MITF: variants seen among roughly 807,000 people sequenced by gnomAD.
MITF encodes microphthalmia-associated transcription factor.
Under a neutral mutation model 60.5 loss-of-function variants are expected in MITF, and 17 were observed. The observed-to-expected ratio is 0.28, with a 90% CI of 0.19 to 0.42. The LOEUF (loss-of-function observed/expected upper bound fraction) is 0.42. Ranked by LOEUF, MITF falls within the 10% of genes least tolerant of loss-of-function variation. The pLI, the probability that MITF is intolerant of heterozygous loss-of-function variation, is 1.00. For synonymous variants in MITF, 260 were observed against 248.5 expected (o/e 1.05, Z -0.43); for missense variants, 622 against 683.5 (o/e 0.91, Z 1.00).
At chr3:69,767,766 G>T (rs2062323337) in intron 1 of MITF, among the ~76,000 whole-genome samples, 1 of 152,164 alleles carries the variant, frequency 6.6e-6, no homozygotes. Flanking sequence ...CAGAGGAATA[G>T]TGCTCTGGCT....
chr3:69,788,537 A>AC (rs1248492973), intron 1 of MITF, among the ~76,000 whole-genome samples: 1 of 152,112 alleles, frequency 6.6e-6, no homozygotes, highest in African/African-American at 2.4e-5. Context: ...TCTGTATACT[A>AC]CTAGTGGTAG....
At chr3:69,921,216 A>G (rs2065460530) in intron 2 of MITF, among the ~76,000 whole-genome samples, 1 of 152,186 alleles carries the variant, frequency 6.6e-6, no homozygotes, top group Admixed American at 6.5e-5. Context: ...TAAGGAGGCT[A>G]TATGTGAAAC....
At chr3:69,912,693 G>C (rs913664535) in intron 2 of MITF, among the ~76,000 whole-genome samples, 1 of 152,204 alleles carries the variant, frequency 6.6e-6, no homozygotes, top group African/African-American at 2.4e-5. Context: ...GCTAGAGTCA[G>C]TGTTGGGGAA....
intron 1 of MITF, among the ~76,000 whole-genome samples, chr3:69,822,847 C>A (rs549014597): frequency 1.3e-5 from 2 of 151,782 alleles, no homozygotes; most frequent in African/African-American, 4.8e-5. Flanking sequence ...ATTACTCAAC[C>A]CCGTCTTATT....
At chr3:69,824,810 C>T (rs2063329717) in intron 1 of MITF, among the ~76,000 whole-genome samples, 1 of 152,188 alleles carries the variant, frequency 6.6e-6, no homozygotes. Flanking sequence ...AGCAGGGTGC[C>T]TCTGGTGGGA....
At chr3:69,822,256 A>G (rs952045344) in intron 1 of MITF, among the ~76,000 whole-genome samples, 3 of 152,202 alleles carry the variant, frequency 2.0e-5, no homozygotes, top group African/African-American at 7.2e-5. Context: ...ACAGAGAAAG[A>G]ACATGTGGTA....
At chr3:69,945,657 G>A (rs981596375) in intron 5 of MITF, among the ~76,000 whole-genome samples, 7 of 152,106 alleles carry the variant, frequency 4.6e-5, no homozygotes. Flanking sequence ...CACCATTTAG[G>A]ACACAGTTTC....
chr3:69,846,840 A>T, intron 1 of MITF, among the ~76,000 whole-genome samples: 1 of 150,426 alleles, frequency 6.6e-6, no homozygotes. Context: ...AAAAAAAGGA[A>T]TATAATGCAT....
chr3:69,870,624 G>A (rs1214764870), intron 1 of MITF, among the ~76,000 whole-genome samples: 2 of 151,552 alleles, frequency 1.3e-5, no homozygotes, highest in African/African-American at 2.4e-5. Context: ...TAGTAGAGAC[G>A]GGGTTTCACC....
chr3:69,937,933 C>G lies in MITF; in HGVS notation c.466C>G (p.Leu156Val). Residue 156 changes from leucine (L) to valine (V), a missense_variant, in exon 3 of 10, where the codon CTG becomes GTG. By Grantham distance (32) the Leu-to-Val change is conservative (BLOSUM62 1). This residue lies in a region of MITF where 215 missense variants were observed against 224.8 expected (regional missense o/e 0.96). Coordinates refer to ENST00000352241, the MANE Select transcript of MITF (RefSeq NM_001354604.2). ...TLANKHANQV[L>V]SLPCPNQPGD... ...AGCAAATAAACATGCCAACCAAGTC[C>G]TGAGCTTGCCATGTCCAAACCAGCC... 6.2e-7 allele frequency: 1 copy of G among 1,614,166 alleles called. No individual in the cohort carries two copies. Among genetic ancestry groups the G allele is most frequent in the Non-Finnish European group, 8.5e-7 (1 of 1,180,010 alleles).
intron 1 of MITF, among the ~76,000 whole-genome samples, chr3:69,853,718 G>A (rs1313016189): frequency 6.6e-6 from 1 of 152,006 alleles, no homozygotes; most frequent in Non-Finnish European, 1.5e-5. Flanking sequence ...AATAAATGGG[G>A]TCATAAGGCA....
chr3:69,931,266 C>A (rs1002146217), intron 2 of MITF, among the ~76,000 whole-genome samples: 13 of 152,008 alleles, frequency 8.6e-5, no homozygotes, highest in African/African-American at 3.1e-4. Flanking sequence ...TCTTATAAGA[C>A]CCTCATTTAA....
At chr3:69,814,477 C>T (rs1327001627) in intron 1 of MITF, among the ~76,000 whole-genome samples, 2 of 152,044 alleles carry the variant, frequency 1.3e-5, no homozygotes, top group African/African-American at 4.8e-5. Flanking sequence ...TACAGATGCC[C>T]ACCATTATGC....
intron 1 of MITF, among the ~76,000 whole-genome samples, chr3:69,802,713 G>T: frequency 7.8e-6 from 1 of 128,718 alleles, no homozygotes; most frequent in South Asian, 2.6e-4. Flanking sequence ...TTTTTTTAGA[G>T]GATGTTTGGC....
chr3:69,802,676 C>CCATAT lies in MITF; in HGVS notation c.104+62976_104+62980dup, dbSNP rs1376964015. Reference sequence around the variant, plus strand: ...CACCTACTGTGTGCTAGTCCACAGTCCATATTCTTTTTTTTTTTTTTTTTT... The same window carrying CCATAT: ...CACCTACTGTGTGCTAGTCCACAGTCCATATCATATTCTTTTTTTTTTTTTTTTTT... On this transcript the variant is annotated intron_variant, in intron 1 of 9. Coordinates refer to ENST00000352241, the MANE Select transcript of MITF (RefSeq NM_001354604.2). Among the ~76,000 whole-genome samples the CCATAT allele has an allele frequency of 2.4e-4, 34 of 141,586 alleles. No homozygotes were observed. The East Asian group carries it at 4.9e-3, about 20-fold the overall frequency. 92.9% of individuals were successfully genotyped at this position (141,586 alleles called of 152,430 possible).
At chr3:69,931,028 C>T (rs1027569749) in intron 2 of MITF, among the ~76,000 whole-genome samples, 1 of 152,194 alleles carries the variant, frequency 6.6e-6, no homozygotes, top group Non-Finnish European at 1.5e-5. Context: ...TGTGTCGAGA[C>T]TTTCAAGAAT....
chr3:69,872,178 A>G (rs778134649), intron 1 of MITF, among the ~76,000 whole-genome samples: 12 of 152,306 alleles, frequency 7.9e-5, no homozygotes, highest in Admixed American at 1.3e-4. Flanking sequence ...CCAACCCATA[A>G]TGGCATCTGT....
intron 1 of MITF, among the ~76,000 whole-genome samples, chr3:69,807,803 AG>A (rs2063033805): frequency 1.3e-5 from 2 of 152,184 alleles, no homozygotes; most frequent in Admixed American, 1.3e-4. Flanking sequence ...CAGCTTCTCT[AG>A]ACTTGATCTA....
At chr3:69,951,400 G>A (rs2066250681) in intron 6 of MITF, among the ~76,000 whole-genome samples, 1 of 151,902 alleles carries the variant, frequency 6.6e-6, no homozygotes, top group African/African-American at 2.4e-5. Context: ...TTTTATATCA[G>A]CACGTTACAC....
Sources: allele counts gnomAD v4.1 joint callset (sites outside exome capture counted in the v4.1 genomes callset), GRCh38; gene constraint gnomAD v4.1.1; regional missense constraint gnomAD v4.1.1; transcripts MANE v1.5; gene names NCBI Gene and HGNC (gene_info 2026-07-23, HGNC 2026-07-21).